GRB14: variants seen among roughly 807,000 people sequenced by gnomAD.
GRB14 encodes growth factor receptor-bound protein 14.
Under a neutral mutation model 69.1 loss-of-function variants are expected in GRB14, and 38 were observed. The observed-to-expected ratio is 0.55, with a 90% CI of 0.42 to 0.72. GRB14 has a LOEUF of 0.72. Ranked by LOEUF, GRB14 falls within the 30% of genes least tolerant of loss-of-function variation. The pLI, the probability that GRB14 is intolerant of heterozygous loss-of-function variation, is 0.00. For missense variants in GRB14, 666 were observed against 666.1 expected (o/e 1.00, Z 0.00); for synonymous variants, 247 against 241.3 (o/e 1.02, Z -0.22).
chr2:164,574,096 A>G, intron 2 of GRB14: 1 of 778,554 alleles, frequency 1.3e-6, no homozygotes, highest in Non-Finnish European at 2.2e-6. Flanking sequence ...TTACCAGCTC[A>G]TCATACTCTA....
chr2:164,560,181 T>A (rs915024052), intron 2 of GRB14, among the ~76,000 whole-genome samples: 2 of 152,198 alleles, frequency 1.3e-5, no homozygotes, highest in Non-Finnish European at 2.9e-5. Context: ...GTATTTAGGC[T>A]GCTTTAAGCT....
intron 12 of GRB14, among the ~76,000 whole-genome samples, chr2:164,496,772 C>T (rs1360894587): frequency 6.6e-6 from 1 of 152,076 alleles, no homozygotes; most frequent in Non-Finnish European, 1.5e-5. Flanking sequence ...TGGTTAAGAA[C>T]AAGATACTCT....
chr2:164,556,320 C>A (rs1688676888), intron 2 of GRB14, among the ~76,000 whole-genome samples: 1 of 152,152 alleles, frequency 6.6e-6, no homozygotes, highest in African/African-American at 2.4e-5. Flanking sequence ...TTTGAGAAAT[C>A]AGGTTGCAAG....
intron 4 of GRB14, among the ~76,000 whole-genome samples, chr2:164,525,583 C>G (rs1006082655): frequency 6.6e-6 from 1 of 152,008 alleles, no homozygotes; most frequent in Non-Finnish European, 1.5e-5. Flanking sequence ...ATAAAATTCA[C>G]CCAGGGCAGT....
At chr2:164,608,096 G>A (rs1391048603) in intron 2 of GRB14, among the ~76,000 whole-genome samples, 1 of 152,082 alleles carries the variant, frequency 6.6e-6, no homozygotes, top group Admixed American at 6.6e-5. Flanking sequence ...TTTTGGCCAG[G>A]CACAGTGGCT....
At chr2:164,567,791 T>A (rs2105327818) in intron 2 of GRB14, among the ~76,000 whole-genome samples, 1 of 152,220 alleles carries the variant, frequency 6.6e-6, no homozygotes, top group East Asian at 1.9e-4. Flanking sequence ...TAATGGAAAG[T>A]TTTTCTTAAG....
intron 2 of GRB14, among the ~76,000 whole-genome samples, chr2:164,597,186 A>G (rs1289963345): frequency 6.6e-6 from 1 of 152,232 alleles, no homozygotes; most frequent in Admixed American, 6.5e-5. Flanking sequence ...GAAAATCAAC[A>G]GCAAAATTTG....
chr2:164,547,752 G>T lies in GRB14; in HGVS notation c.389C>A (p.Ala130Asp), dbSNP rs1688418654. ...RALDVPSDITARDVCQLLILK... is the reference protein window; with the variant it reads ...RALDVPSDITDRDVCQLLILK... ...GATCAACAGCTGACAAACATCTCGA[G>T]CCGTTATGTCACTGGGTACATCTAA... Residue 130 changes from alanine to aspartate, a missense_variant, in exon 3 of 14, where the codon GCT becomes GAT. Physicochemically the swap from Ala to Asp is moderately radical, Grantham distance 126. Transcript: ENST00000263915. 6.2e-7 allele frequency: 1 copy of T among 1,613,440 alleles called. No individual in the cohort carries two copies. The highest frequency in any genetic ancestry group is 1.7e-5 in the Admixed American group (1 of 59,990).
At chr2:164,514,439 C>T (rs1201050896) in intron 6 of GRB14, among the ~76,000 whole-genome samples, 1 of 152,178 alleles carries the variant, frequency 6.6e-6, no homozygotes, top group African/African-American at 2.4e-5. Flanking sequence ...ACTGCGGAAC[C>T]TGAAGGTCCA....
At chr2:164,523,688 AAG>A (rs1687694394) in intron 5 of GRB14, among the ~76,000 whole-genome samples, 1 of 152,102 alleles carries the variant, frequency 6.6e-6, no homozygotes, top group Non-Finnish European at 1.5e-5. Context: ...AAATTTTAAA[AAG>A]AGAGTCATAG....
chr2:164,562,245 T>C lies in GRB14; in HGVS notation c.325-14429A>G, dbSNP rs72874827. ...GACCTACTTTTATCCCTTTCAAATA[T>C]ACAACCCAGAAGTCCCCGTCTAATA... is the stretch of plus-strand genomic sequence containing the variant. On this transcript the variant is annotated intron_variant, in intron 2 of 13. Coordinates refer to ENST00000263915, the MANE Select transcript of GRB14 (RefSeq NM_004490.3). 7.7e-3 allele frequency among the ~76,000 whole-genome samples: 1,172 copies of C among 152,284 alleles called. 8 individuals are homozygous for C. The highest frequency in any genetic ancestry group is 0.012 in the Non-Finnish European group (811 of 68,036).
Position 164,621,167 on chromosome 2 carries a change from C to T in GRB14, c.143G>A (p.Arg48Gln). The change falls in exon 1 of 14, where the codon CGA becomes CAA. Residue 48 changes from arginine to glutamine, a missense_variant. Arg to Gln is a conservative substitution (Grantham distance 43). Coordinates refer to ENST00000263915, the MANE Select transcript of GRB14 (RefSeq NM_004490.3). The surrounding 1 kb of genome is among the most constrained non-coding windows in gnomAD (Gnocchi z 6.0). ...DLAPAPWLHA[R>Q]ALLPLPDGTR... is the part of the protein sequence containing the mutation. ...CCCGTCCGGAAGGGGCAGGAGCGCT[C>T]GCGCGTGCAGCCAGGGGGCCGGCGC... is the stretch of plus-strand genomic sequence containing the variant. 8.0e-7 allele frequency: 1 copy of T among 1,244,726 alleles called. No individual in the cohort carries two copies. Among genetic ancestry groups the T allele is most frequent in the Non-Finnish European group, 1.0e-6 (1 of 988,208 alleles). 77.1% of individuals were successfully genotyped at this position (1,244,726 alleles called of 1,614,324 possible).
chr2:164,581,895 T>C (rs1181481848), intron 2 of GRB14, among the ~76,000 whole-genome samples: 1 of 152,186 alleles, frequency 6.6e-6, no homozygotes, highest in Non-Finnish European at 1.5e-5. Flanking sequence ...AGCTAAATTA[T>C]CTTTTACCAA....
chr2:164,521,555 G>T (rs947028250), intron 6 of GRB14, among the ~76,000 whole-genome samples: 2 of 152,000 alleles, frequency 1.3e-5, no homozygotes, highest in East Asian at 3.9e-4. Context: ...AAATGACTCA[G>T]AAGAGACATT....
At chr2:164,602,305 A>C (rs888217993) in intron 2 of GRB14, among the ~76,000 whole-genome samples, 1 of 152,138 alleles carries the variant, frequency 6.6e-6, no homozygotes, top group Admixed American at 6.5e-5. Context: ...TTGAATGAAG[A>C]CACTAACATC....
chr2:164,617,767 C>T (rs1463272656), intron 2 of GRB14, among the ~76,000 whole-genome samples: 2 of 152,036 alleles, frequency 1.3e-5, no homozygotes, highest in Non-Finnish European at 2.9e-5. Flanking sequence ...AAATCAAAGC[C>T]CCATCTTTTA....
chr2:164,505,091 T>G (rs1429740706), intron 8 of GRB14, among the ~76,000 whole-genome samples: 2 of 152,212 alleles, frequency 1.3e-5, no homozygotes, highest in African/African-American at 4.8e-5. Context: ...GTAAGACTCA[T>G]TTCAGGCTTC....
chr2:164,611,023 G>A (rs1335817504), intron 2 of GRB14, among the ~76,000 whole-genome samples: 3 of 151,750 alleles, frequency 2.0e-5, no homozygotes, highest in East Asian at 3.9e-4. Flanking sequence ...TCAGAAAACA[G>A]CTACGATAAA....
At chr2:164,553,908 C>T (rs1201897430) in intron 2 of GRB14, among the ~76,000 whole-genome samples, 2 of 152,030 alleles carry the variant, frequency 1.3e-5, no homozygotes, top group African/African-American at 2.4e-5. Context: ...GAGCCAAGAT[C>T]GCGCCACTGC....
Sources: gnomAD v4.1 joint callset for allele counts (sites outside exome capture counted in the v4.1 genomes callset) on GRCh38, gnomAD v4.1.1 for gene constraint, Gnocchi (gnomAD v3.1) non-coding constraint, MANE v1.5 for transcripts, NCBI Gene and HGNC (gene_info 2026-07-23, HGNC 2026-07-21) for gene names.